AATF: variants seen among roughly 807,000 people sequenced by gnomAD.
AATF encodes protein AATF.
A neutral mutation model predicts 63.7 loss-of-function variants in AATF; 48 were observed. The ratio of observed to expected loss-of-function variants is 0.75; its 90% confidence interval spans 0.60 to 0.96. The LOEUF (loss-of-function observed/expected upper bound fraction) is 0.96, where lower values mean the gene tolerates loss of function less well. AATF is among the 40% of genes least tolerant of loss of function. AATF has a pLI of 0.00. For synonymous variants in AATF, 258 were observed against 247.7 expected, an observed-to-expected ratio of 1.04 and a Z score of -0.39; for missense variants, 639 against 685.7, an observed-to-expected ratio of 0.93 and a Z score of 0.76.
rs1171018564 is a variant in AATF at position 36,953,808 on chromosome 17, CA to C, written c.738del (p.Ala247LeufsTer3). On this transcript the variant is annotated frameshift_variant, in exon 4 of 12. Coordinates refer to ENST00000619387, the MANE Select transcript of AATF (RefSeq NM_012138.4). LOFTEE classifies it high-confidence loss of function. ...DQLLEGRIKLQKALLTTNQLP... is the reference protein window; with the variant it reads ...DQLLEGRIKLXKALLTTNQLP... ...GCTCTTGGAAGGAAGGATCAAACTACAAAAAGCTCTGTTGACCACCAACCAG... is the reference window on the plus strand; with the variant it reads ...GCTCTTGGAAGGAAGGATCAAACTACAAAAGCTCTGTTGACCACCAACCAG... 1 of 1,614,114 alleles carries C rather than the reference CA, an allele frequency of 6.2e-7. No individual in the cohort carries two copies. The highest frequency in any genetic ancestry group is 1.3e-5 in the African/African-American group (1 of 75,022).
chr17:36,984,862 T>A (rs971370616), intron 4 of AATF, among the ~76,000 whole-genome samples: 1 of 151,256 alleles, frequency 6.6e-6, no homozygotes, highest in South Asian at 2.1e-4. Context: ...GGACTCAAAC[T>A]CCTGTGCCCA....
At chr17:37,011,041 G>A (rs955734884) in intron 8 of AATF, among the ~76,000 whole-genome samples, 1 of 152,224 alleles carries the variant, frequency 6.6e-6, no homozygotes, top group African/African-American at 2.4e-5. Context: ...GCAAGACCAT[G>A]TCTGTTTTAT....
At chr17:37,035,541 C>CTTTTT (rs767344407) in intron 11 of AATF, among the ~76,000 whole-genome samples, 3 of 143,102 alleles carry the variant, frequency 2.1e-5, no homozygotes, top group Non-Finnish European at 3.1e-5. Context: ...GTGTTTCCAA[C>CTTTTT]TTTTTTTTTT....
At chr17:37,006,979 A>G (rs545591776) in intron 8 of AATF, among the ~76,000 whole-genome samples, 2 of 152,336 alleles carry the variant, frequency 1.3e-5, no homozygotes, top group South Asian at 2.1e-4. Flanking sequence ...GGTAGCCTCT[A>G]GCTATACATT....
chr17:37,022,703 A>T (rs1471094796), intron 10 of AATF, among the ~76,000 whole-genome samples: 1 of 152,190 alleles, frequency 6.6e-6, no homozygotes, highest in African/African-American at 2.4e-5. Context: ...CATCTGTAAA[A>T]TGGATATGAT....
At chr17:37,026,447 G>A (rs924103088) in intron 10 of AATF, among the ~76,000 whole-genome samples, 3 of 152,166 alleles carry the variant, frequency 2.0e-5, no homozygotes, top group Non-Finnish European at 4.4e-5. Context: ...GAAATCCCAG[G>A]TCAGGCACTG....
chr17:37,000,524 T>C (rs1370728015), intron 8 of AATF, among the ~76,000 whole-genome samples: 1 of 152,182 alleles, frequency 6.6e-6, no homozygotes, highest in Admixed American at 6.5e-5. Flanking sequence ...AGTTATATTG[T>C]TTATGATACT....
intron 11 of AATF, among the ~76,000 whole-genome samples, chr17:37,053,381 A>G (rs905083812): frequency 2.7e-5 from 4 of 147,306 alleles, no homozygotes; most frequent in African/African-American, 1.1e-4. Flanking sequence ...TCAAACAATT[A>G]AAATATTTTC....
intron 8 of AATF, among the ~76,000 whole-genome samples, chr17:36,991,179 A>T (rs1342220495): frequency 1.3e-5 from 2 of 151,996 alleles, no homozygotes; most frequent in Non-Finnish European, 2.9e-5. Flanking sequence ...GGATTTGTTA[A>T]GTTATTTGGT....
At chr17:37,044,381 G>T (rs575509974) in intron 11 of AATF, among the ~76,000 whole-genome samples, 164 of 152,232 alleles carry the variant, frequency 1.1e-3, no homozygotes, top group Non-Finnish European at 1.7e-3. Flanking sequence ...AGAATGAAAG[G>T]TTCTCCTCTG....
intron 11 of AATF, among the ~76,000 whole-genome samples, chr17:37,050,702 C>T (rs180691814): frequency 7.9e-5 from 12 of 152,258 alleles, no homozygotes; most frequent in Admixed American, 3.3e-4. Flanking sequence ...ACTTGCCTGC[C>T]GTGTGCTTTC....
rs140479759 is a variant in AATF at position 37,034,039 on chromosome 17, A to C, written c.1619+2354A>C. 2.6e-5 allele frequency among the ~76,000 whole-genome samples: 4 copies of C among 152,202 alleles called. No individual in the cohort carries two copies. The South Asian group carries it at 6.2e-4, about 24-fold the overall frequency. Reference sequence around the variant, plus strand: ...GTCCTTGTGACATTTATAAGGAGAAAGGGCTATCCCTTGTGGACTGATTCC... The same window carrying C: ...GTCCTTGTGACATTTATAAGGAGAACGGGCTATCCCTTGTGGACTGATTCC... On this transcript the variant is annotated intron_variant, in intron 11 of 11. Transcript: ENST00000619387.
Position 36,992,016 on chromosome 17 carries a change from C to T in AATF, c.1398+1159C>T, listed in dbSNP as rs576196772. 1.2e-3 allele frequency among the ~76,000 whole-genome samples: 181 copies of T among 152,188 alleles called. 1 individual carries two copies. Among genetic ancestry groups the T allele is most frequent in the South Asian group, 7.5e-3 (36 of 4,816 alleles). On this transcript the variant is annotated intron_variant, in intron 8 of 11. Transcript: ENST00000619387. ...CATTGTTTATCAAGATAATTTTTTT[C>T]TCTGTCAAATTTTTAATGTGCTAGC...
intron 11 of AATF, among the ~76,000 whole-genome samples, chr17:37,033,584 A>G (rs1228702702): frequency 1.3e-5 from 2 of 152,240 alleles, no homozygotes; most frequent in African/African-American, 4.8e-5. Flanking sequence ...TGCTAGACAT[A>G]AAAATTATTT....
chr17:36,949,265 T>C (rs773094626), intron 1 of AATF, 49 bp downstream of exon 1: 3 of 1,528,382 alleles, frequency 2.0e-6, no homozygotes, highest in East Asian at 2.5e-5. Flanking sequence ...GGCCAGGCCC[T>C]GTGGGGCAAG....
intron 11 of AATF, among the ~76,000 whole-genome samples, chr17:37,040,349 CCT>C (rs776786358): frequency 7.9e-5 from 12 of 152,066 alleles, no homozygotes. Flanking sequence ...AAGTCTGTCC[CCT>C]GTGTCTGATG....
chr17:37,021,076 C>T, intron 10 of AATF, 62 bp downstream of exon 10: 2 of 1,204,192 alleles, frequency 1.7e-6, no homozygotes, highest in Non-Finnish European at 1.1e-6. Flanking sequence ...CTCTTACATT[C>T]TGGCTGTTAT....
At chr17:36,950,726 T>C (rs755079632) in intron 2 of AATF, among the ~76,000 whole-genome samples, 1 of 152,200 alleles carries the variant, frequency 6.6e-6, no homozygotes, top group Non-Finnish European at 1.5e-5. Context: ...CTATCTGTTA[T>C]CTTAGGAGAG....
chr17:37,037,570 G>T (rs2071603687), intron 11 of AATF, among the ~76,000 whole-genome samples: 1 of 152,174 alleles, frequency 6.6e-6, no homozygotes, highest in South Asian at 2.1e-4. Flanking sequence ...AATCCCACCT[G>T]CCCCATGCCA....
Sources: allele counts gnomAD v4.1 joint callset (sites outside exome capture counted in the v4.1 genomes callset), GRCh38; gene constraint gnomAD v4.1.1; transcripts MANE v1.5; gene names NCBI Gene and HGNC (gene_info 2026-07-23, HGNC 2026-07-21).